The following TNRC6A variants were observed in gnomAD, a reference collection of about 807,000 sequenced individuals.
The protein encoded by TNRC6A is trinucleotide repeat containing adaptor 6A.
TNRC6A carries 44 observed loss-of-function variants against 221.2 expected under a neutral mutation model. That is an observed-to-expected ratio of 0.20 (90% CI 0.16 to 0.26). The LOEUF (loss-of-function observed/expected upper bound fraction) is 0.26, where lower values mean the gene tolerates loss of function less well. Ranked by LOEUF, TNRC6A falls within the 10% of genes least tolerant of loss-of-function variation. TNRC6A has a pLI of 1.00. For missense variants in TNRC6A, 2,199 were observed against 2,404.4 expected, an observed-to-expected ratio of 0.91 and a Z score of 1.79; for synonymous variants, 847 against 838.5, an observed-to-expected ratio of 1.01 and a Z score of -0.18.
At chr16:24,793,426 C>A in intron 6 of TNRC6A, 47 bp from the exon 7 acceptor site, 1 of 1,329,336 alleles carries the variant, frequency 7.5e-7, no homozygotes, top group Non-Finnish European at 9.7e-7. Flanking sequence ...TCCACTGCAC[C>A]TCCTTACCTT....
At chr16:24,758,922 T>A (rs895155316) in intron 4 of TNRC6A, among the ~76,000 whole-genome samples, 2 of 152,064 alleles carry the variant, frequency 1.3e-5, no homozygotes, top group East Asian at 1.9e-4. Flanking sequence ...CACTAATTCC[T>A]CTCAGATCCT....
At chr16:24,660,739 CTT>C (rs58299677) in intron 2 of TNRC6A, among the ~76,000 whole-genome samples, 1 of 91,288 alleles carries the variant, frequency 1.1e-5, no homozygotes, top group Non-Finnish European at 2.0e-5. Flanking sequence ...TTTTTTTTTT[CTT>C]TTTTTTTTTT....
In TNRC6A at chr16:24,635,804, T is replaced by G. The variant is rs547133132; in HGVS notation, n.277-5080T>G. ...TTGCCAGTAGCTGTACCTTATATTTTGGTCTCCATGGTTTTTTGTTTTATT... is the reference window on the plus strand; with the variant it reads ...TTGCCAGTAGCTGTACCTTATATTTGGGTCTCCATGGTTTTTTGTTTTATT... On this transcript the variant is annotated intron_variant and non_coding_transcript_variant, in intron 1 of 2. Coordinates refer to the TNRC6A transcript ENST00000566108. Among the ~76,000 whole-genome samples, 4 of 152,336 alleles carry G rather than the reference T, an allele frequency of 2.6e-5. No homozygotes were observed. The East Asian group carries it at 5.8e-4, about 22-fold the overall frequency.
At chr16:24,804,394 A>G in intron 12 of TNRC6A, 75 bp downstream of exon 12, 1 of 1,495,564 alleles carries the variant, frequency 6.7e-7, no homozygotes, top group Non-Finnish European at 9.0e-7. Context: ...CTAATATTTT[A>G]AAACCTTTTA....
intron 2 of TNRC6A, among the ~76,000 whole-genome samples, chr16:24,707,586 T>A (rs1339061847): frequency 6.6e-6 from 1 of 152,162 alleles, no homozygotes; most frequent in Admixed American, 6.5e-5. Context: ...AGAGCTCTTA[T>A]AATTAAAAAG....
At chr16:24,624,077 G>A (rs1900830887) in intron 1 of TNRC6A, among the ~76,000 whole-genome samples, 1 of 152,122 alleles carries the variant, frequency 6.6e-6, no homozygotes, top group South Asian at 2.1e-4. Flanking sequence ...TCTTGGCTGG[G>A]TTCTTTCACC....
chr16:24,706,705 A>G (rs1187464056), intron 2 of TNRC6A, among the ~76,000 whole-genome samples: 1 of 151,686 alleles, frequency 6.6e-6, no homozygotes, highest in Admixed American at 6.6e-5. Context: ...AAAAAAAAAA[A>G]AAAAAAAGTT....
intron 4 of TNRC6A, among the ~76,000 whole-genome samples, chr16:24,764,905 G>A (rs2057439606): frequency 6.6e-6 from 1 of 152,170 alleles, no homozygotes; most frequent in African/African-American, 2.4e-5. Flanking sequence ...ATTAGGTATA[G>A]TAAGAGATTA....
intron 20 of TNRC6A, among the ~76,000 whole-genome samples, chr16:24,817,749 G>A (rs146854603): frequency 2.0e-4 from 30 of 152,178 alleles, no homozygotes; most frequent in East Asian, 1.2e-3. Flanking sequence ...ACCATGTTGC[G>A]TTAGACGTGT....
chr16:24,751,917 G>A (rs2057145594), intron 3 of TNRC6A, among the ~76,000 whole-genome samples: 1 of 152,084 alleles, frequency 6.6e-6, no homozygotes, highest in Admixed American at 6.6e-5. Flanking sequence ...TGAATAAGGA[G>A]CAGAATAGAA....
In TNRC6A at chr16:24,823,029, G is replaced by A; in HGVS notation, c.5513+16G>A. The A allele has an allele frequency of 6.2e-7, 1 of 1,614,172 alleles. No homozygotes were observed. The highest frequency in any genetic ancestry group is 8.5e-7 in the Non-Finnish European group (1 of 1,180,010). ...CTCTGCACATGTAAGTTGGCTGTTG[G>A]GCTCCCAGTTGGAAGAGTCTAGGGG... On this transcript the variant is annotated intron_variant, in intron 24 of 24. Transcript: ENST00000395799. The surrounding 1 kb of genome is among the most constrained non-coding windows in gnomAD (Gnocchi z 4.3).
In TNRC6A at chr16:24,729,775, G is replaced by T; in HGVS notation, c.-67G>T. On this transcript the variant is annotated 5_prime_UTR_variant, in exon 1 of 25. Transcript: ENST00000395799. The stretch of plus-strand genomic sequence containing the variant: ...AGCGGCTCGGGCCTCTCCCCGCGGC[G>T]CTGCGGAGGGCTTGAGGCTCGCGAG... The T allele has an allele frequency of 7.2e-7, 1 of 1,383,482 alleles. No homozygotes were observed. The allele number at this position is 1,383,482 out of a possible 1,614,324, so 85.7% of individuals were successfully genotyped here.
chr16:24,781,365 C>G (rs1342378533), intron 5 of TNRC6A, among the ~76,000 whole-genome samples: 1 of 151,888 alleles, frequency 6.6e-6, no homozygotes, highest in Admixed American at 6.6e-5. Context: ...GGCAAAATTC[C>G]CATACTCTTT....
chr16:24,648,326 C>T (rs1263015975), intron 2 of TNRC6A, among the ~76,000 whole-genome samples: 1 of 145,378 alleles, frequency 6.9e-6, no homozygotes, highest in Non-Finnish European at 1.5e-5. Context: ...GGCTGGAGTG[C>T]AGTGGCACAA....
intron 2 of TNRC6A, among the ~76,000 whole-genome samples, chr16:24,723,696 G>C (rs183954863): frequency 9.9e-5 from 15 of 151,914 alleles, no homozygotes; most frequent in Non-Finnish European, 2.2e-4. Flanking sequence ...CAGGTAAAAG[G>C]GATGTTTATA....
intron 1 of TNRC6A, among the ~76,000 whole-genome samples, chr16:24,635,862 A>G (rs1567314232): frequency 1.3e-5 from 2 of 152,216 alleles, no homozygotes; most frequent in Admixed American, 6.5e-5. Context: ...TCATCAAATG[A>G]TAGCAGTAGC....
At chr16:24,653,975 G>T (rs537784143) in intron 2 of TNRC6A, among the ~76,000 whole-genome samples, 1 of 152,260 alleles carries the variant, frequency 6.6e-6, no homozygotes, top group Non-Finnish European at 1.5e-5. Context: ...CGCAATCATA[G>T]CCCACTGCAG....
chr16:24,672,415 A>G (rs562187753), intron 2 of TNRC6A, among the ~76,000 whole-genome samples: 10 of 150,572 alleles, frequency 6.6e-5, no homozygotes, highest in African/African-American at 2.4e-4. Flanking sequence ...GGCGTGAGCC[A>G]CCGCGCCTGG....
chr16:24,791,560 G>C lies in TNRC6A; in HGVS notation c.2918G>C (p.Gly973Ala). The C allele has an allele frequency of 1.3e-6, 2 of 1,558,234 alleles. No individual in the cohort carries two copies. The highest frequency in any genetic ancestry group is 2.2e-5 in the East Asian group (1 of 44,482). Reference protein sequence around the residue: ...GKPPGTGWLGGPIPAPAKEEE... With the variant: ...GKPPGTGWLGAPIPAPAKEEE... ...CCTCCTGGTACAGGCTGGCTGGGGG[G>C]ACCTATACCAGCCCCAGCAAAAGAA... Residue 973 changes from glycine to alanine, a missense_variant, in exon 6 of 25, where the codon GGA (glycine) becomes GCA (alanine). Gly to Ala is a moderately conservative substitution (Grantham distance 60, BLOSUM62 0). Coordinates refer to ENST00000395799, the MANE Select transcript of TNRC6A (RefSeq NM_014494.4).
Sources: gnomAD v4.1 joint callset for allele counts (sites outside exome capture counted in the v4.1 genomes callset) on GRCh38, gnomAD v4.1.1 for gene constraint, Gnocchi (gnomAD v3.1) non-coding constraint, MANE v1.5 for transcripts, NCBI Gene and HGNC (gene_info 2026-07-23, HGNC 2026-07-21) for gene names.